PTCHD4: variants seen among roughly 807,000 people sequenced by gnomAD.
PTCHD4 encodes patched domain containing 4, also known as patched domain-containing protein 4.
Under a neutral mutation model 58.1 loss-of-function variants are expected in PTCHD4, and 33 were observed. The observed-to-expected ratio is 0.57, with a 90% CI of 0.43 to 0.76. The LOEUF is 0.76. Among genes scored for constraint, PTCHD4 ranks in the 30% least tolerant of loss-of-function variants. PTCHD4 has a pLI of 0.00. For synonymous variants in PTCHD4, 478 were observed against 409.6 expected, an observed-to-expected ratio of 1.17 and a Z score of -2.02; for missense variants, 1,058 against 1,027.1, an observed-to-expected ratio of 1.03 and a Z score of -0.41.
chr6:48,033,587 T>C (rs1448841486), intron 3 of PTCHD4, among the ~76,000 whole-genome samples: 1 of 151,878 alleles, frequency 6.6e-6, no homozygotes, highest in Non-Finnish European at 1.5e-5. Context: ...TCACAGTGAA[T>C]CTAGGCATTA....
chr6:48,059,041 C>G (rs965203298), intron 3 of PTCHD4, among the ~76,000 whole-genome samples: 3 of 152,184 alleles, frequency 2.0e-5, no homozygotes, highest in Non-Finnish European at 4.4e-5. Flanking sequence ...TGAAGGTCAA[C>G]GCTCAAGAAC....
chr6:48,009,213 T>A, intron 3 of PTCHD4, 99 bp from the exon 4 acceptor site: 1 of 1,277,718 alleles, frequency 7.8e-7, no homozygotes, highest in Non-Finnish European at 1.1e-6. Context: ...CAGAGATAGG[T>A]GCTAGTAATT....
chr6:48,101,357 C>A (rs941681836), intron 1 of PTCHD4, among the ~76,000 whole-genome samples: 7 of 152,162 alleles, frequency 4.6e-5, no homozygotes, highest in African/African-American at 1.7e-4. Flanking sequence ...AGTCTTTATT[C>A]TCCTAGCTGT....
At position 47,874,735 on chromosome 6, in the gene PTCHD4, T is replaced by A. The variant is rs1221428376; in HGVS notation, c.*3568A>T. 9.9e-6 allele frequency among the ~76,000 whole-genome samples: 1 copy of A among 101,178 alleles called. No homozygotes were observed. The highest frequency in any genetic ancestry group is 3.2e-5 in the African/African-American group (1 of 31,422). The allele number at this position is 101,178 out of a possible 152,430, so 66.4% of individuals were successfully genotyped here. A position where few individuals can be genotyped will look rare whatever the true frequency, so the allele number is the denominator to read the frequency against. ...TGGGAATCAAATAGGAAAGGGCCACTTACATGATACAACAACAGAGGAGAA... is the reference window on the plus strand; with the variant it reads ...TGGGAATCAAATAGGAAAGGGCCACATACATGATACAACAACAGAGGAGAA... On this transcript the variant is annotated 3_prime_UTR_variant, in exon 5 of 5. Coordinates refer to ENST00000339488, the MANE Select transcript of PTCHD4 (RefSeq NM_001384253.1).
intron 3 of PTCHD4, among the ~76,000 whole-genome samples, chr6:48,045,000 T>A (rs761134190): frequency 4.0e-5 from 6 of 151,788 alleles, no homozygotes; most frequent in Non-Finnish European, 5.9e-5. Flanking sequence ...ATATGCCCCA[T>A]TTCTTATAGA....
chr6:47,947,179 A>G (rs925444425), intron 4 of PTCHD4, among the ~76,000 whole-genome samples: 8 of 152,026 alleles, frequency 5.3e-5, no homozygotes, highest in African/African-American at 1.7e-4. Context: ...GTTTATGTGC[A>G]TATTTAACTC....
intron 4 of PTCHD4, among the ~76,000 whole-genome samples, chr6:47,932,729 T>TA (rs1214480426): frequency 6.6e-6 from 1 of 152,190 alleles, no homozygotes; most frequent in Non-Finnish European, 1.5e-5. Flanking sequence ...TTCTGTGTGG[T>TA]ACAGTGTGAG....
rs1252556668 is a variant in PTCHD4 at position 47,876,985 on chromosome 6, CA to C, written c.*1317del. On this transcript the variant is annotated 3_prime_UTR_variant, in exon 5 of 5. Transcript: ENST00000339488. The stretch of plus-strand genomic sequence containing the variant: ...AGCACTTTCCAGGTAACAAGAGCAA[CA>C]CTATTGTGAGAAGCTACAAATGGTA... 6.6e-6 allele frequency among the ~76,000 whole-genome samples: 1 copy of C among 151,986 alleles called. No homozygotes were observed. Among genetic ancestry groups the C allele is most frequent in the Non-Finnish European group, 1.5e-5 (1 of 67,950 alleles).
chr6:48,097,367 A>G (rs1562048421), intron 1 of PTCHD4, among the ~76,000 whole-genome samples: 1 of 152,204 alleles, frequency 6.6e-6, no homozygotes, highest in African/African-American at 2.4e-5. Context: ...AAAATCTCCT[A>G]AAAGAGGCAT....
chr6:47,857,971 G>T lies in PTCHD4; in HGVS notation c.*20332C>A, dbSNP rs1315174301. 6.6e-6 allele frequency among the ~76,000 whole-genome samples: 1 copy of T among 151,934 alleles called. No homozygotes were observed. The highest frequency in any genetic ancestry group is 1.5e-5 in the Non-Finnish European group (1 of 67,954). On this transcript the variant is annotated 3_prime_UTR_variant, in exon 5 of 5. Transcript: ENST00000339488. Reference sequence around the variant, plus strand: ...AATAACATGTTTAAGGATGTCATTTGTTTCACATCTCAAACCCAAACCCCA... The same window carrying T: ...AATAACATGTTTAAGGATGTCATTTTTTTCACATCTCAAACCCAAACCCCA...
At chr6:48,067,086 T>C (rs1764825696) in intron 3 of PTCHD4, among the ~76,000 whole-genome samples, 1 of 152,178 alleles carries the variant, frequency 6.6e-6, no homozygotes, top group African/African-American at 2.4e-5. Context: ...ACACCTGTCT[T>C]GGGAGTTCTT....
chr6:47,972,385 T>C (rs1767546697), intron 4 of PTCHD4, among the ~76,000 whole-genome samples: 1 of 152,092 alleles, frequency 6.6e-6, no homozygotes, highest in Non-Finnish European at 1.5e-5. Flanking sequence ...AACGGAGCTA[T>C]AAAAAAGTAT....
intron 4 of PTCHD4, among the ~76,000 whole-genome samples, chr6:47,935,123 T>G (rs1323434291): frequency 1.3e-5 from 2 of 152,214 alleles, no homozygotes; most frequent in African/African-American, 4.8e-5. Context: ...AATTGGATAC[T>G]TTTAAGGGCT....
intron 4 of PTCHD4, among the ~76,000 whole-genome samples, chr6:47,980,978 T>G (rs563717763): frequency 3.7e-4 from 57 of 152,238 alleles, no homozygotes; most frequent in Non-Finnish European, 7.4e-4. Flanking sequence ...TTTATTTTGA[T>G]TCTTCTTTTT....
chr6:47,972,399 A>G (rs1341344994), intron 4 of PTCHD4, among the ~76,000 whole-genome samples: 1 of 152,156 alleles, frequency 6.6e-6, no homozygotes, highest in Non-Finnish European at 1.5e-5. Flanking sequence ...AAAGTATACC[A>G]ATTTCAAAAT....
At chr6:47,939,329 G>A (rs1001389693) in intron 4 of PTCHD4, among the ~76,000 whole-genome samples, 1 of 151,318 alleles carries the variant, frequency 6.6e-6, no homozygotes, top group East Asian at 1.9e-4. Flanking sequence ...ACGTGGTATT[G>A]ATGTCTCTGG....
At chr6:48,054,943 C>A (rs980549600) in intron 3 of PTCHD4, among the ~76,000 whole-genome samples, 9 of 152,104 alleles carry the variant, frequency 5.9e-5, no homozygotes, top group African/African-American at 2.2e-4. Flanking sequence ...TGAAAATCTG[C>A]AGGGTGTATA....
At chr6:47,958,466 G>T (rs891176597) in intron 4 of PTCHD4, among the ~76,000 whole-genome samples, 4 of 152,196 alleles carry the variant, frequency 2.6e-5, no homozygotes, top group African/African-American at 9.6e-5. Flanking sequence ...GGAAACAAAT[G>T]ACGTGAACCC....
At position 47,878,257 on chromosome 6, in the gene PTCHD4, A is replaced by G; in HGVS notation, c.*46T>C. ...GTCTGAGCTTTACTTGCCCTGCATC[A>G]TTGTGCAATACTGGAAAAGAAAAAT... On this transcript the variant is annotated 3_prime_UTR_variant, in exon 5 of 5. Coordinates refer to ENST00000339488, the MANE Select transcript of PTCHD4 (RefSeq NM_001384253.1). The G allele has an allele frequency of 6.7e-7, 1 of 1,502,964 alleles. No individual in the cohort carries two copies. Among genetic ancestry groups the G allele is most frequent in the Non-Finnish European group, 8.9e-7 (1 of 1,118,010 alleles). The allele number at this position is 1,502,964 out of a possible 1,614,324, so 93.1% of individuals were successfully genotyped here.
Sources: allele counts gnomAD v4.1 joint callset (sites outside exome capture counted in the v4.1 genomes callset), GRCh38; gene constraint gnomAD v4.1.1; transcripts MANE v1.5; gene names NCBI Gene and HGNC (gene_info 2026-07-23, HGNC 2026-07-21).